Variants in BID observed in about 807,000 individuals in gnomAD.
The protein encoded by BID is BH3 interacting domain death agonist.
A neutral mutation model predicts 17.4 loss-of-function variants in BID; 19 were observed. That is an observed-to-expected ratio of 1.09 (90% confidence interval 0.76 to 1.60). The LOEUF (loss-of-function observed/expected upper bound fraction) is 1.60, where lower values mean the gene tolerates loss of function less well. BID is among the 40% of genes most tolerant of loss of function. The pLI, the probability that BID is intolerant of heterozygous loss-of-function variation, is 0.00. For missense variants in BID, 226 were observed against 256.0 expected (o/e 0.88, Z 0.80); for synonymous variants, 108 against 102.8 (o/e 1.05, Z -0.31).
rs8190335 is a variant in BID, at chr22:17,738,520, G to T, written c.364-291C>A. ...CATCCCTGCGCCCAAGGCACTTCGAGTCCAGAACTAGTGACCACCTGCGAC... is the reference window on the plus strand; with the variant it reads ...CATCCCTGCGCCCAAGGCACTTCGATTCCAGAACTAGTGACCACCTGCGAC... On this transcript the variant is annotated intron_variant, in intron 4 of 5. Coordinates refer to ENST00000622694, the MANE Select transcript of BID (RefSeq NM_001196.4). Among the ~76,000 whole-genome samples, 415 of 152,324 alleles carry T rather than the reference G, an allele frequency of 2.7e-3. 17 individuals are homozygous for T. In the South Asian group the frequency reaches 0.083, roughly 30 times the overall value.
chr22:17,763,531 AC>A (rs2145915418), intron 1 of BID, among the ~76,000 whole-genome samples: 1 of 152,306 alleles, frequency 6.6e-6, no homozygotes, highest in South Asian at 2.1e-4. Flanking sequence ...GGCGTGAACC[AC>A]CGTGCCTGGC....
At chr22:17,771,174 A>G (rs1191114010) in intron 1 of BID, among the ~76,000 whole-genome samples, 3 of 152,070 alleles carry the variant, frequency 2.0e-5, no homozygotes, top group Non-Finnish European at 4.4e-5. Context: ...ATCTCGGCTC[A>G]CTGCAAGCTC....
intron 5 of BID, 86 bp downstream of exon 5, chr22:17,737,931 G>A: frequency 1.4e-6 from 2 of 1,416,656 alleles, no homozygotes; most frequent in Non-Finnish European, 2.0e-6. Context: ...GGCATCAGAG[G>A]CAGGGGCCCC....
chr22:17,740,341 A>T (rs2061450441), intron 3 of BID: 1 of 647,772 alleles, frequency 1.5e-6, no homozygotes. Context: ...TGGGAGGCTG[A>T]GGACAGAAGA....
intron 1 of BID, among the ~76,000 whole-genome samples, chr22:17,756,400 TTTCTTTTTTC>T (rs2061583727): frequency 9.8e-6 from 1 of 102,476 alleles, no homozygotes; most frequent in Non-Finnish European, 2.0e-5. Context: ...CTTTCTTTCT[TTTCTTTTTTC>T]TCTTTCTTTC....
chr22:17,758,400 C>T (rs972356152), intron 1 of BID, among the ~76,000 whole-genome samples: 11 of 152,214 alleles, frequency 7.2e-5, no homozygotes, highest in African/African-American at 2.4e-4. Flanking sequence ...AGACGCCAGT[C>T]CCTCAAAAAA....
chr22:17,735,563 C>CT lies in BID; in HGVS notation c.*16dup, dbSNP rs1312007057. On this transcript the variant is annotated 3_prime_UTR_variant, in exon 6 of 6. Transcript: ENST00000622694. ...CCACATCGAGCTTTAGCCAGTCACA[C>CT]TTCTGGAACTGTCCGTTCAGTCCAT... 2 of 1,614,190 alleles carry CT rather than the reference C, an allele frequency of 1.2e-6. No homozygotes were observed. Among genetic ancestry groups the CT allele is most frequent in the Admixed American group, 3.3e-5 (2 of 60,022 alleles).
At chr22:17,753,045 C>T (rs1421070716) in intron 1 of BID, among the ~76,000 whole-genome samples, 3 of 143,128 alleles carry the variant, frequency 2.1e-5, no homozygotes, top group African/African-American at 7.9e-5. Flanking sequence ...CGGCTCACTG[C>T]AAGCTCCGCC....
chr22:17,774,094 G>T, intron 1 of BID: 1 of 273,960 alleles, frequency 3.7e-6, no homozygotes, highest in Non-Finnish European at 7.1e-6. Context: ...CACGTGGAGA[G>T]GACACAACAA....
intron 2 of BID, among the ~76,000 whole-genome samples, chr22:17,744,234 C>T (rs1189672050): frequency 2.6e-5 from 4 of 152,044 alleles, no homozygotes; most frequent in South Asian, 2.1e-4. Context: ...GAGCGAGCCC[C>T]GACTCTGCAG....
chr22:17,768,502 G>A (rs1029000020), intron 1 of BID, among the ~76,000 whole-genome samples: 1 of 152,224 alleles, frequency 6.6e-6, no homozygotes, highest in Non-Finnish European at 1.5e-5. Context: ...GTGTCCCTCA[G>A]CTACTCCAGA....
intron 5 of BID, 144 bp from the exon 6 acceptor site, chr22:17,735,735 A>C: frequency 1.0e-6 from 1 of 989,882 alleles, no homozygotes; most frequent in Non-Finnish European, 1.5e-6. Context: ...CGTGCATCCT[A>C]CTTTTTGCTA....
rs1190554163 is a variant in BID at position 17,750,154 on chromosome 22, TCA to T, written c.-40_-39del. ...GCGGCAGCTCCGACTCACTCCTGGT[TCA>T]CAGTGTCCCAGTGGCGACCTGGAAA... is the stretch of plus-strand genomic sequence containing the variant. On this transcript the variant is annotated 5_prime_UTR_variant, in exon 2 of 6. Transcript: ENST00000622694. 1.9e-6 allele frequency: 3 copies of T among 1,613,090 alleles called. No individual in the cohort carries two copies. The highest frequency in any genetic ancestry group is 3.3e-5 in the Admixed American group (2 of 59,972).
intron 1 of BID, among the ~76,000 whole-genome samples, chr22:17,753,654 G>A (rs1441283701): frequency 6.6e-6 from 1 of 152,238 alleles, no homozygotes; most frequent in Non-Finnish European, 1.5e-5. Flanking sequence ...CGTCAATAGC[G>A]GCCCTACGCC....
At chr22:17,756,469 TTCTTTCTTTTCTTTCTTTCTTTCTTTCTC>T (rs1601863003) in intron 1 of BID, among the ~76,000 whole-genome samples, 3 of 103,176 alleles carry the variant, frequency 2.9e-5, no homozygotes, top group Non-Finnish European at 4.5e-5. Context: ...CTTTCTTTCT[TTCTTTCTTTTCTTTCTTTCTTTCTTTCTC>T]TCTCTCTTTC....
At chr22:17,738,416 G>A (rs2061435268) in intron 4 of BID, among the ~76,000 whole-genome samples, 187 bp from the exon 5 acceptor site, 1 of 152,206 alleles carries the variant, frequency 6.6e-6, no homozygotes, top group African/African-American at 2.4e-5. Flanking sequence ...CTCCCTGCAG[G>A]GGGCTCGGTA....
intron 1 of BID, among the ~76,000 whole-genome samples, chr22:17,767,132 G>C (rs571054238): frequency 6.6e-5 from 10 of 151,460 alleles, no homozygotes; most frequent in African/African-American, 2.4e-4. Flanking sequence ...GCTGAGGCAG[G>C]AGAATCTCTT....
Position 17,735,470 on chromosome 22 carries a change from G to T in BID, c.*110C>A. On this transcript the variant is annotated 3_prime_UTR_variant, in exon 6 of 6. Transcript: ENST00000622694. Reference sequence around the variant, plus strand: ...AGAAGTCACAGCTATCTTCCAGCCTGTCTTCTCTAGGAACGCTGTTGACAT... The same window carrying T: ...AGAAGTCACAGCTATCTTCCAGCCTTTCTTCTCTAGGAACGCTGTTGACAT... The T allele has an allele frequency of 7.7e-7, 1 of 1,296,680 alleles. No homozygotes were observed. The highest frequency in any genetic ancestry group is 1.1e-6 in the Non-Finnish European group (1 of 902,122). 80.3% of individuals were successfully genotyped at this position (1,296,680 alleles called of 1,614,324 possible).
At chr22:17,752,989 T>G (rs1272152782) in intron 1 of BID, among the ~76,000 whole-genome samples, 1 of 67,526 alleles carries the variant, frequency 1.5e-5, no homozygotes, top group Non-Finnish European at 2.8e-5. Flanking sequence ...TTTTTTGAGA[T>G]GGAGTCTCGC....
Sources: gnomAD v4.1 joint callset for allele counts (sites outside exome capture counted in the v4.1 genomes callset) on GRCh38, gnomAD v4.1.1 for gene constraint, MANE v1.5 for transcripts, NCBI Gene and HGNC (gene_info 2026-07-23, HGNC 2026-07-21) for gene names.